Variants in ZFAND5 observed in about 807,000 individuals in gnomAD.
ZFAND5 encodes AN1-type zinc finger protein 5.
Under a neutral mutation model 23.6 loss-of-function variants are expected in ZFAND5, and 4 were observed. The observed-to-expected ratio is 0.17, with a 90% confidence interval of 0.08 to 0.39. The LOEUF is 0.39. Among genes scored for constraint, ZFAND5 ranks in the 10% least tolerant of loss-of-function variants. The pLI, the probability that ZFAND5 is intolerant of heterozygous loss-of-function variation, is 1.00. For missense variants in ZFAND5, 161 were observed against 253.7 expected (o/e 0.63, Z 2.48); for synonymous variants, 68 against 80.6 (o/e 0.84, Z 0.84).
At chr9:72,362,238 C>T (rs1217245682) in intron 2 of ZFAND5, among the ~76,000 whole-genome samples, 1 of 152,186 alleles carries the variant, frequency 6.6e-6, no homozygotes, top group Non-Finnish European at 1.5e-5. Context: ...GTAGTGTAAA[C>T]ATTTCAACAT....
chr9:72,358,056 C>A (rs1564305120), intron 5 of ZFAND5, among the ~76,000 whole-genome samples: 1 of 152,126 alleles, frequency 6.6e-6, no homozygotes, highest in African/African-American at 2.4e-5. Flanking sequence ...GCTGAAATTA[C>A]TGCCCAAATA....
At chr9:72,358,783 G>C (rs1487533872) in intron 5 of ZFAND5, among the ~76,000 whole-genome samples, 1 of 152,058 alleles carries the variant, frequency 6.6e-6, no homozygotes, top group Non-Finnish European at 1.5e-5. Context: ...TGCCAAAAAA[G>C]AACAAATTGA....
intron 1 of ZFAND5, chr9:72,364,276 A>ACCCCCCC: frequency 2.9e-6 from 1 of 340,566 alleles, no homozygotes; most frequent in Non-Finnish European, 4.9e-6. Flanking sequence ...CCGACCCCCG[A>ACCCCCCC]CCCCCGACCC....
chr9:72,360,159 T>C lies in ZFAND5; in HGVS notation c.214A>G (p.Ser72Gly). The C allele has an allele frequency of 6.2e-7, 1 of 1,612,952 alleles. No homozygotes were observed. Among genetic ancestry groups the C allele is most frequent in the South Asian group, 1.1e-5 (1 of 91,012 alleles). Residue 72 changes from serine to glycine, a missense_variant, in exon 4 of 7, where the codon AGC becomes GGC. Physicochemically the swap from Ser to Gly is moderately conservative, Grantham distance 56. Coordinates refer to ENST00000376962, the MANE Select transcript of ZFAND5 (RefSeq NM_001102420.3). ...DSASVQRADT[S>G]LNNCEGAAGS... ...GCAGCACCTTCACAGTTGTTTAAGC[T>C]AGTGTCTGCTCTCTGTACAGATGCA...
Position 72,356,992 on chromosome 9 carries a change from A to C in ZFAND5, c.432T>G (p.Pro144=). 1 of 1,613,742 alleles carries C rather than the reference A, an allele frequency of 6.2e-7. No individual in the cohort carries two copies. The highest frequency in any genetic ancestry group is 8.5e-7 in the Non-Finnish European group (1 of 1,179,788). Residue 144 remains proline (P), a synonymous_variant, in exon 6 of 7, where the codon CCT becomes CCG. Coordinates refer to ENST00000376962, the MANE Select transcript of ZFAND5 (RefSeq NM_001102420.3). ...PSTSQSEEKA[P]ELPKPKKNRC... ...TGTTTTTCTTTGGTTTGGGCAATTC[A>C]GGAGCTTTTTCTTCACTCTGAGAAG...
chr9:72,364,428 C>T, intron 1 of ZFAND5: 1 of 1,262,368 alleles, frequency 7.9e-7, no homozygotes, highest in South Asian at 1.3e-5. Flanking sequence ...AGGCCGGCCC[C>T]GCAGAGGCGG....
At chr9:72,364,386 G>T (rs1311633885) in intron 1 of ZFAND5, 19 of 1,175,280 alleles carry the variant, frequency 1.6e-5, no homozygotes, top group Non-Finnish European at 2.0e-5. Context: ...TGGTGCCCAC[G>T]CCGGGCGCCG....
chr9:72,364,517 G>A, intron 1 of ZFAND5, 179 bp downstream of exon 1: 1 of 1,280,228 alleles, frequency 7.8e-7, no homozygotes, highest in Non-Finnish European at 1.0e-6. Flanking sequence ...CACGACGACA[G>A]GATGACGCCT....
chr9:72,356,599 A>G (rs888706456), intron 6 of ZFAND5, among the ~76,000 whole-genome samples: 2 of 152,202 alleles, frequency 1.3e-5, no homozygotes, highest in African/African-American at 4.8e-5. Flanking sequence ...GGAGACAAGA[A>G]AAAAAGCACC....
At chr9:72,364,586 G>A (rs1486083293) in intron 1 of ZFAND5, 110 bp downstream of exon 1, 3 of 1,246,612 alleles carry the variant, frequency 2.4e-6, no homozygotes, top group East Asian at 7.4e-5. Flanking sequence ...GCCGCCATCC[G>A]CGGCCTGCTC....
Position 72,356,946 on chromosome 9 carries a change from T to A in ZFAND5, c.478A>T (p.Lys160Ter). 6.2e-7 allele frequency: 1 copy of A among 1,612,590 alleles called. No individual in the cohort carries two copies. The highest frequency in any genetic ancestry group is 8.5e-7 in the Non-Finnish European group (1 of 1,179,690). ...KKNRCFMCRK[K>*]VGLTGFDCRC... The stretch of plus-strand genomic sequence containing the variant: ...TTTGTAATACCTGTAAGACCAACTT[T>A]CTTTCTGCACATGAAACATCTGTTT... Residue 160 changes from lysine to a stop codon, truncating the protein, a stop_gained, in exon 6 of 7, where the codon AAA becomes TAA. Coordinates refer to ENST00000376962, the MANE Select transcript of ZFAND5 (RefSeq NM_001102420.3). LOFTEE classifies it high-confidence loss of function.
Position 72,360,780 on chromosome 9 carries a change from T to C in ZFAND5, c.-2A>G. On this transcript the variant is annotated 5_prime_UTR_variant, in exon 3 of 7. Transcript: ENST00000376962. ...GGTCTGGTTAGTCTCCTGAGCCATA[T>C]TTTTCTGCTATAGATGAAACGAAAT... 2 of 1,597,254 alleles carry C rather than the reference T, an allele frequency of 1.3e-6. No homozygotes were observed. The highest frequency in any genetic ancestry group is 8.5e-7 in the Non-Finnish European group (1 of 1,170,324).
intron 4 of ZFAND5, among the ~76,000 whole-genome samples, chr9:72,359,895 G>T (rs1842049217): frequency 6.6e-6 from 1 of 152,140 alleles, no homozygotes; most frequent in Admixed American, 6.5e-5. Flanking sequence ...AAATAAAAAA[G>T]CACAGCATTT....
intron 5 of ZFAND5, among the ~76,000 whole-genome samples, chr9:72,358,530 A>C (rs113830475): frequency 2.4e-4 from 36 of 152,144 alleles, no homozygotes; most frequent in South Asian, 8.3e-4. Context: ...AAAACCAAAA[A>C]CAAAAACCCA....
At chr9:72,360,483 G>A in intron 3 of ZFAND5, 145 bp downstream of exon 3, 1 of 1,101,644 alleles carries the variant, frequency 9.1e-7, no homozygotes. Context: ...GATCAGTCAT[G>A]TCAAGCACTT....
In ZFAND5 at chr9:72,355,091, A is replaced by G. The variant is rs776890756; in HGVS notation, c.*862T>C. 8 of 152,698 alleles carry G rather than the reference A, an allele frequency of 5.2e-5. No homozygotes were observed. Among genetic ancestry groups the G allele is most frequent in the Non-Finnish European group, 7.3e-5 (5 of 68,044 alleles). 9.5% of individuals were successfully genotyped at this position (152,698 alleles called of 1,614,324 possible). ...CCAAAACATTCGACAAAAGATGCAC[A>G]TGAAAAATTATTCAGATACCTTTGC... On this transcript the variant is annotated 3_prime_UTR_variant, in exon 7 of 7. Coordinates refer to ENST00000376962, the MANE Select transcript of ZFAND5 (RefSeq NM_001102420.3).
intron 4 of ZFAND5, 76 bp downstream of exon 4, chr9:72,360,029 ATTAAC>A: frequency 3.4e-6 from 4 of 1,188,866 alleles, no homozygotes; most frequent in Non-Finnish European, 4.8e-6. Flanking sequence ...AAGGGTATCT[ATTAAC>A]TTATTATTGG....
At chr9:72,364,360 T>G in intron 1 of ZFAND5, 2 of 1,136,856 alleles carry the variant, frequency 1.8e-6, no homozygotes, top group Non-Finnish European at 2.2e-6. Context: ...CTCGGCCTCT[T>G]TGTTTCTCTG....
At chr9:72,364,392 C>A in intron 1 of ZFAND5, 1 of 1,181,968 alleles carries the variant, frequency 8.5e-7, no homozygotes, top group South Asian at 1.5e-5. Flanking sequence ...CCACGCCGGG[C>A]GCCGCCGCGG....
Sources: allele counts gnomAD v4.1 joint callset (sites outside exome capture counted in the v4.1 genomes callset), GRCh38; gene constraint gnomAD v4.1.1; transcripts MANE v1.5; gene names NCBI Gene and HGNC (gene_info 2026-07-23, HGNC 2026-07-21).